Variants in CSMD1 observed in about 807,000 individuals in gnomAD.
CSMD1 encodes CUB and sushi domain-containing protein 1.
Under a neutral mutation model 417.5 loss-of-function variants are expected in CSMD1, and 213 were observed. That is an observed-to-expected ratio of 0.51 (90% CI 0.46 to 0.57). The LOEUF (loss-of-function observed/expected upper bound fraction) is 0.57. CSMD1 is among the 20% of genes least tolerant of loss of function. CSMD1 has a pLI of 0.00. For missense variants in CSMD1, 6,923 were observed against 4,529.7 expected (o/e 1.53, Z -15.17); for synonymous variants, 2,862 against 1,736.8 (o/e 1.65, Z -16.11).
At chr8:4,735,032 T>C (rs1783384540) in intron 1 of CSMD1, among the ~76,000 whole-genome samples, 2 of 152,312 alleles carry the variant, frequency 1.3e-5, no homozygotes, top group Admixed American at 1.3e-4. Context: ...CACATCAAAA[T>C]TGATGGAGAA....
rs957138140 is a variant in CSMD1 at position 4,977,219 on chromosome 8, T to C, written c.85+17113A>G. Reference sequence around the variant, plus strand: ...TAATTTATATTTAATTGAATACATATTCCCTTCAATAAAAGCCAAGTGAGA... The same window carrying C: ...TAATTTATATTTAATTGAATACATACTCCCTTCAATAAAAGCCAAGTGAGA... On this transcript the variant is annotated intron_variant, in intron 1 of 69. Transcript: ENST00000635120. Among the ~76,000 whole-genome samples the C allele has an allele frequency of 4.6e-5, 7 of 152,346 alleles. No homozygotes were observed. In the East Asian group the frequency reaches 1.4e-3, roughly 29 times the overall value.
intron 3 of CSMD1, among the ~76,000 whole-genome samples, chr8:4,205,814 G>C (rs1799945851): frequency 6.6e-6 from 1 of 151,978 alleles, no homozygotes; most frequent in African/African-American, 2.4e-5. Flanking sequence ...GGTAAAAATG[G>C]AAAATTCTCC....
intron 54 of CSMD1, among the ~76,000 whole-genome samples, chr8:2,993,733 G>C (rs747792626): frequency 4.6e-5 from 7 of 152,124 alleles, no homozygotes; most frequent in Non-Finnish European, 1.0e-4. Flanking sequence ...CGTGGCTAAA[G>C]TTTTAGGACG....
At chr8:3,832,334 T>C (rs1380293601) in intron 5 of CSMD1, among the ~76,000 whole-genome samples, 2 of 152,194 alleles carry the variant, frequency 1.3e-5, no homozygotes, top group Non-Finnish European at 2.9e-5. Flanking sequence ...TTGTTCAAAA[T>C]ATATACCGCA....
At chr8:4,590,380 T>C (rs186842941) in intron 2 of CSMD1, among the ~76,000 whole-genome samples, 1 of 152,186 alleles carries the variant, frequency 6.6e-6, no homozygotes, top group Non-Finnish European at 1.5e-5. Flanking sequence ...TCAATCAACA[T>C]GCGAAGATAC....
intron 2 of CSMD1, among the ~76,000 whole-genome samples, chr8:4,568,487 A>G (rs897593724): frequency 6.6e-6 from 1 of 152,148 alleles, no homozygotes; most frequent in African/African-American, 2.4e-5. Context: ...TCCATGGTGT[A>G]TATATGCCAC....
intron 3 of CSMD1, among the ~76,000 whole-genome samples, chr8:4,284,723 GA>G (rs1198042433): frequency 6.6e-6 from 1 of 152,144 alleles, no homozygotes; most frequent in African/African-American, 2.4e-5. Context: ...CGACTCCCAG[GA>G]GGGTAACTCC....
chr8:4,771,936 G>A (rs1796619808), intron 1 of CSMD1, among the ~76,000 whole-genome samples: 2 of 152,300 alleles, frequency 1.3e-5, no homozygotes, highest in South Asian at 2.1e-4. Flanking sequence ...GCCCATCCCG[G>A]GGATCTCGTG....
chr8:3,297,686 TA>T (rs1156939289), intron 25 of CSMD1, among the ~76,000 whole-genome samples: 1 of 152,160 alleles, frequency 6.6e-6, no homozygotes, highest in East Asian at 1.9e-4. Context: ...ATGTGAAAGG[TA>T]AATTAAGTTT....
intron 5 of CSMD1, among the ~76,000 whole-genome samples, chr8:3,847,241 G>A (rs745638777): frequency 5.3e-5 from 8 of 152,138 alleles, no homozygotes; most frequent in African/African-American, 9.7e-5. Flanking sequence ...AAGACATTTT[G>A]CAGATGTAGA....
In CSMD1 at chr8:3,193,519, C is replaced by T. The variant is rs577983816; in HGVS notation, c.5195-3404G>A. Among the ~76,000 whole-genome samples the T allele has an allele frequency of 2.6e-5, 4 of 152,186 alleles. No individual in the cohort carries two copies. In the East Asian group the frequency reaches 5.8e-4, roughly 22 times the overall value. On this transcript the variant is annotated intron_variant, in intron 33 of 69. Transcript: ENST00000635120. ...TGTAACTTCATCCTCCCCGCCCGTC[C>T]TCTGGGTCTGGCCCTTCACCTGGAC...
At chr8:3,168,785 G>A (rs1404109979) in intron 37 of CSMD1, among the ~76,000 whole-genome samples, 1 of 151,546 alleles carries the variant, frequency 6.6e-6, no homozygotes, top group Non-Finnish European at 1.5e-5. Context: ...TAAACTGTTG[G>A]CAGGTTTGAC....
At chr8:4,575,220 A>G (rs977774324) in intron 2 of CSMD1, among the ~76,000 whole-genome samples, 2 of 152,172 alleles carry the variant, frequency 1.3e-5, no homozygotes, top group African/African-American at 4.8e-5. Flanking sequence ...ATTCTCCTAA[A>G]AATACAGTTA....
intron 2 of CSMD1, among the ~76,000 whole-genome samples, chr8:4,542,870 A>T (rs550631447): frequency 6.6e-6 from 1 of 152,212 alleles, no homozygotes. Context: ...GTATATTTCT[A>T]TCACTCTAAT....
intron 5 of CSMD1, among the ~76,000 whole-genome samples, chr8:3,772,504 TACACATATATACATATATAC>T (rs1563064574): frequency 3.1e-5 from 2 of 65,140 alleles, no homozygotes; most frequent in Non-Finnish European, 5.5e-5. Flanking sequence ...TATACATATA[TACACATATATACATATATAC>T]ACATATATAC....
chr8:3,387,627 A>G lies in CSMD1; in HGVS notation c.2649T>C (p.His883=). 6.2e-7 allele frequency: 1 copy of G among 1,600,672 alleles called. No homozygotes were observed. Among genetic ancestry groups the G allele is most frequent in the African/African-American group, 1.3e-5 (1 of 74,784 alleles). The change falls in exon 18 of 70, where the codon CAT becomes CAC. Residue 883 remains histidine, a synonymous_variant. Coordinates refer to ENST00000635120, the MANE Select transcript of CSMD1 (RefSeq NM_033225.6). ...TGATGCCAAAGTCTCCACCGTGGCGATGGCCGTTCACAGGGATGCCCGGGT... is the reference window on the plus strand; with the variant it reads ...TGATGCCAAAGTCTCCACCGTGGCGGTGGCCGTTCACAGGGATGCCCGGGT... ...CLDPGIPVNG[H]RHGGDFGIRS...
intron 2 of CSMD1, among the ~76,000 whole-genome samples, chr8:4,587,890 T>C (rs1799784655): frequency 6.6e-6 from 1 of 152,220 alleles, no homozygotes; most frequent in African/African-American, 2.4e-5. Context: ...GTTGTCCCTT[T>C]AAAAACTGAA....
Position 3,648,216 on chromosome 8 carries a change from T to C in CSMD1, c.1010-31419A>G, listed in dbSNP as rs17066755. Among the ~76,000 whole-genome samples the C allele has an allele frequency of 9.4e-3, 1,434 of 152,376 alleles. 22 individuals carry two copies. Among genetic ancestry groups the C allele is most frequent in the African/African-American group, 0.033 (1,367 of 41,592 alleles). ...GTATATTACTCTTCTCACCATATACTAGAGACATGATTTTACTTTTACTTT... is the reference window on the plus strand; with the variant it reads ...GTATATTACTCTTCTCACCATATACCAGAGACATGATTTTACTTTTACTTT... On this transcript the variant is annotated intron_variant, in intron 7 of 69. Transcript: ENST00000635120.
chr8:4,283,412 C>T (rs1304446907), intron 3 of CSMD1, among the ~76,000 whole-genome samples: 2 of 152,200 alleles, frequency 1.3e-5, no homozygotes, highest in African/African-American at 2.4e-5. Flanking sequence ...TCTAAGAACA[C>T]ATTCTTTTCA....
Sources: allele counts gnomAD v4.1 joint callset (sites outside exome capture counted in the v4.1 genomes callset), GRCh38; gene constraint gnomAD v4.1.1; transcripts MANE v1.5; gene names NCBI Gene and HGNC (gene_info 2026-07-23, HGNC 2026-07-21).